The following CEP95 variants were observed in gnomAD, a reference collection of about 807,000 sequenced individuals.
CEP95 encodes centrosomal protein 95.
CEP95 carries 98 observed loss-of-function variants against 111.2 expected under a neutral mutation model. That is an observed-to-expected ratio of 0.88 (90% CI 0.75 to 1.04). The LOEUF (loss-of-function observed/expected upper bound fraction) is 1.04, where lower values mean the gene tolerates loss of function less well. Among genes scored for constraint, CEP95 ranks in the 50% least tolerant of loss-of-function variants. The pLI is 0.00. For synonymous variants in CEP95, 323 were observed against 327.1 expected (o/e 0.99, Z 0.14); for missense variants, 1,027 against 977.2 (o/e 1.05, Z -0.68).
chr17:64,511,761 A>G (rs1598182021), intron 3 of CEP95, among the ~76,000 whole-genome samples: 1 of 152,256 alleles, frequency 6.6e-6, no homozygotes, highest in East Asian at 1.9e-4. Context: ...ATAAGTGTCC[A>G]TGAAATCTTT....
chr17:64,532,261 G>C, intron 14 of CEP95: 1 of 1,230,944 alleles, frequency 8.1e-7, no homozygotes, highest in Non-Finnish European at 1.0e-6. Context: ...GCCACCTGCT[G>C]CTCCAGCGTT....
At position 64,534,568 on chromosome 17, in the gene CEP95, C is replaced by G. The variant is rs1598250695; in HGVS notation, c.1918-17C>G. On this transcript the variant is annotated splice_polypyrimidine_tract_variant and intron_variant, in intron 16 of 19. Coordinates refer to ENST00000556440, the MANE Select transcript of CEP95 (RefSeq NM_138363.3). ...CTTGTCCTTACCCTTCTCTTCCCTC[C>G]CCTTTCCCTTTCTTAGCAAGACTTC... 1 of 1,610,934 alleles carries G rather than the reference C, an allele frequency of 6.2e-7. No homozygotes were observed. The highest frequency in any genetic ancestry group is 8.5e-7 in the Non-Finnish European group (1 of 1,177,438).
In CEP95 at chr17:64,514,229, C is replaced by T. The variant is rs1555675794; in HGVS notation, c.257-19C>T. The T allele has an allele frequency of 2.1e-6, 2 of 969,038 alleles. No individual in the cohort carries two copies. The highest frequency in any genetic ancestry group is 1.6e-6 in the Non-Finnish European group (1 of 624,702). The allele number at this position is 969,038 out of a possible 1,614,324, so 60.0% of individuals were successfully genotyped here. A position where few individuals can be genotyped will look rare whatever the true frequency, so the allele number is the denominator to read the frequency against. On this transcript the variant is annotated intron_variant, in intron 3 of 19. Coordinates refer to ENST00000556440, the MANE Select transcript of CEP95 (RefSeq NM_138363.3). Reference sequence around the variant, plus strand: ...ATTTCATGGTTAAATTTTTTAATAGCTCTATATTCTGTCTCCAGGAGAAAA... The same window carrying T: ...ATTTCATGGTTAAATTTTTTAATAGTTCTATATTCTGTCTCCAGGAGAAAA...
intron 1 of CEP95, chr17:64,508,167 A>G (rs1279754880): frequency 1.0e-6 from 1 of 985,320 alleles, no homozygotes; most frequent in Non-Finnish European, 1.2e-6. Context: ...CACAAGACCA[A>G]TACTATTGCA....
chr17:64,508,509 G>A (rs2038705809), intron 1 of CEP95, 83 bp from the exon 2 acceptor site: 2 of 1,235,126 alleles, frequency 1.6e-6, no homozygotes, highest in East Asian at 3.2e-5. Context: ...TTGTTGGGGG[G>A]GAGGTTGTTG....
intron 14 of CEP95, chr17:64,532,393 G>A (rs1428406789): frequency 2.0e-6 from 2 of 985,298 alleles, no homozygotes; most frequent in Admixed American, 1.2e-4. Flanking sequence ...TATTGACAGT[G>A]CCAATGAGTG....
intron 6 of CEP95, 38 bp downstream of exon 6, chr17:64,519,474 C>A: frequency 2.1e-6 from 3 of 1,410,338 alleles, no homozygotes; most frequent in Non-Finnish European, 2.0e-6. Flanking sequence ...TATTATTCAA[C>A]ATACAACTAT....
intron 14 of CEP95, 141 bp from the exon 15 acceptor site, chr17:64,532,698 G>A (rs1555680551): frequency 6.9e-7 from 1 of 1,443,712 alleles, no homozygotes; most frequent in Non-Finnish European, 9.1e-7. Context: ...GAGGAGTAAT[G>A]CAAATTATTA....
Position 64,519,329 on chromosome 17 carries a change from T to C in CEP95, c.482T>C (p.Leu161Ser), listed in dbSNP as rs1242341724. The C allele has an allele frequency of 6.2e-7, 1 of 1,613,544 alleles. No individual in the cohort carries two copies. The stretch of plus-strand genomic sequence containing the variant: ...GGAGGGAACTTTTCCAGGTGCTCCT[T>C]GTCTTCTGAGATGTTGGGCCCCTCT... ...WKRVSFGRCS[L>S]SSEMLGPSWD... Residue 161 changes from leucine to serine, a missense_variant, in exon 6 of 20, where the codon TTG (leucine) becomes TCG (serine). Leu to Ser is a moderately radical substitution (Grantham distance 145). Transcript: ENST00000556440.
At chr17:64,521,361 TTGATAGTTAAAA>T (rs782739498) in intron 6 of CEP95, 29 bp from the exon 7 acceptor site, 4 of 1,480,174 alleles carry the variant, frequency 2.7e-6, no homozygotes, top group Non-Finnish European at 2.8e-6. Context: ...GCAAACTATT[TTGATAGTTAAAA>T]ATTTTACCTT....
chr17:64,506,851 T>A (rs1445105147), upstream of CEP95: 1 of 608,968 alleles, frequency 1.6e-6, no homozygotes, highest in East Asian at 2.8e-5. Context: ...CGGGTTTTGG[T>A]CGGCGGAGAA....
Position 64,533,106 on chromosome 17 carries a change from C to G in CEP95, c.1843-11C>G, listed in dbSNP as rs782099948. 1 of 1,606,548 alleles carries G rather than the reference C, an allele frequency of 6.2e-7. No individual in the cohort carries two copies. The highest frequency in any genetic ancestry group is 1.7e-5 in the Admixed American group (1 of 57,818). On this transcript the variant is annotated splice_polypyrimidine_tract_variant and intron_variant, in intron 15 of 19. Transcript: ENST00000556440. ...ATTATTAACCTACTTAACTTCATGT[C>G]CCCCTTCAAGATAGAAGAAGCCCTA...
chr17:64,515,052 T>C (rs951003740), intron 4 of CEP95, among the ~76,000 whole-genome samples: 1 of 152,188 alleles, frequency 6.6e-6, no homozygotes, highest in Non-Finnish European at 1.5e-5. Flanking sequence ...TCTTAAAGTC[T>C]TTAGTTAGAG....
chr17:64,508,544 T>A, intron 1 of CEP95, 48 bp from the exon 2 acceptor site: 1 of 1,310,112 alleles, frequency 7.6e-7, no homozygotes, highest in African/African-American at 1.5e-5. Flanking sequence ...CTGTGTGATT[T>A]TTTTCTGGTG....
At chr17:64,519,218 G>A (rs16947841) in intron 5 of CEP95, 103 bp from the exon 6 acceptor site, 31,989 of 702,386 alleles carry the variant, frequency 0.046, 1,085 homozygotes, top group Admixed American at 0.14. Context: ...AGCAGCAAAA[G>A]GGAGAGTCTT....
chr17:64,520,540 A>G (rs1382719578), intron 6 of CEP95: 1 of 150,616 alleles, frequency 6.6e-6, no homozygotes, highest in Non-Finnish European at 1.5e-5. Flanking sequence ...GCTCACTGCA[A>G]CCTCTGCCTC....
rs1555678976 is a variant in CEP95, at chr17:64,525,874, AGG to A, written c.1015_1016del (p.Gly339LysfsTer4). 6.4e-7 allele frequency: 1 copy of A among 1,568,820 alleles called. No homozygotes were observed. The highest frequency in any genetic ancestry group is 8.6e-7 in the Non-Finnish European group (1 of 1,165,618). On this transcript the variant is annotated frameshift_variant, in exon 9 of 20. Transcript: ENST00000556440. LOFTEE classifies it high-confidence loss of function. ...QGPRTRKPPK[G>X]KRNENRATAS... ...GGCCTAGGACAAGGAAGCCTCCCAA[AGG>A]AAAAAGGTAACATTACTGCAGACTT...
In CEP95 at chr17:64,529,346, TAAC is replaced by T. The variant is rs1968097616; in HGVS notation, c.1368_1370del (p.Asn456del). The T allele has an allele frequency of 1.2e-6, 2 of 1,613,706 alleles. No homozygotes were observed. The highest frequency in any genetic ancestry group is 8.5e-7 in the Non-Finnish European group (1 of 1,179,818). On this transcript the variant is annotated inframe_deletion, in exon 12 of 20. Transcript: ENST00000556440. ...CCCATTCGCTCTCTCCATCTCCAGT[TAAC>T]AAACACAAACAGTTCCACTTGGAGA...
intron 6 of CEP95, among the ~76,000 whole-genome samples, chr17:64,519,879 A>G (rs1967181673): frequency 6.6e-6 from 1 of 152,306 alleles, no homozygotes; most frequent in Admixed American, 6.5e-5. Flanking sequence ...GTAGACCCGG[A>G]TATCTTTCAA....
Sources: gnomAD v4.1 joint callset for allele counts (sites outside exome capture counted in the v4.1 genomes callset) on GRCh38, gnomAD v4.1.1 for gene constraint, MANE v1.5 for transcripts, NCBI Gene and HGNC (gene_info 2026-07-23, HGNC 2026-07-21) for gene names.